The following USP3 variants were observed in gnomAD, a reference collection of about 807,000 sequenced individuals.
USP3 encodes ubiquitin specific peptidase 3.
Under a neutral mutation model 72.3 loss-of-function variants are expected in USP3, and 20 were observed. The ratio of observed to expected loss-of-function variants is 0.28; its 90% CI spans 0.19 to 0.40. The LOEUF (loss-of-function observed/expected upper bound fraction) is 0.40. Ranked by LOEUF, USP3 falls within the 10% of genes least tolerant of loss-of-function variation. The pLI, the probability that USP3 is intolerant of heterozygous loss-of-function variation, is 1.00. For missense variants in USP3, 479 were observed against 633.9 expected (o/e 0.76, Z 2.62); for synonymous variants, 222 against 225.3 (o/e 0.99, Z 0.13).
intron 11 of USP3, among the ~76,000 whole-genome samples, chr15:63,585,346 T>C (rs188672453): frequency 1.2e-3 from 181 of 152,324 alleles, no homozygotes; most frequent in Non-Finnish European, 2.1e-3. Flanking sequence ...ACATCAAGTC[T>C]TCCAGTCTAT....
intron 8 of USP3, among the ~76,000 whole-genome samples, chr15:63,565,723 T>C (rs1255264925): frequency 6.6e-6 from 1 of 152,188 alleles, no homozygotes; most frequent in Non-Finnish European, 1.5e-5. Flanking sequence ...AGTATACAAA[T>C]AGCTTCCTCA....
chr15:63,546,085 A>G (rs1379363797), intron 3 of USP3, among the ~76,000 whole-genome samples: 1 of 151,492 alleles, frequency 6.6e-6, no homozygotes, highest in Non-Finnish European at 1.5e-5. Context: ...AAACTTGGTC[A>G]TATAATGTAG....
At chr15:63,577,053 T>C (rs2066875962) in intron 11 of USP3, among the ~76,000 whole-genome samples, 1 of 152,216 alleles carries the variant, frequency 6.6e-6, no homozygotes, top group South Asian at 2.1e-4. Flanking sequence ...GGAAAAGTGA[T>C]GGTGAGAAAG....
intron 5 of USP3, among the ~76,000 whole-genome samples, chr15:63,557,483 G>A (rs944784592): frequency 2.0e-5 from 3 of 152,060 alleles, no homozygotes; most frequent in African/African-American, 7.2e-5. Flanking sequence ...GGCTGGTCTC[G>A]AACTCCTGAG....
At chr15:63,559,228 T>TA (rs2066564128) in intron 6 of USP3, among the ~76,000 whole-genome samples, 1 of 152,206 alleles carries the variant, frequency 6.6e-6, no homozygotes, top group South Asian at 2.1e-4. Context: ...AGACAAGTAG[T>TA]AAAAATAAAA....
Position 63,553,712 on chromosome 15 carries a change from C to T in USP3, c.285-3C>T, listed in dbSNP as rs1271765101. The T allele has an allele frequency of 6.2e-7, 1 of 1,611,530 alleles. No homozygotes were observed. The highest frequency in any genetic ancestry group is 8.5e-7 in the Non-Finnish European group (1 of 1,178,902). ...CACACATTGATTAATATTTTCCTTG[C>T]AGTTATCGCTGTGATGATTTTGTGG... is the stretch of plus-strand genomic sequence containing the variant. On this transcript the variant is annotated splice_polypyrimidine_tract_variant and splice_region_variant and intron_variant, in intron 3 of 14. Transcript: ENST00000380324. The surrounding 1 kb of genome is among the most constrained non-coding windows in gnomAD (Gnocchi z 4.2).
chr15:63,520,714 C>A (rs1040096201), intron 1 of USP3, among the ~76,000 whole-genome samples: 3 of 151,908 alleles, frequency 2.0e-5, no homozygotes, highest in Non-Finnish European at 4.4e-5. Context: ...CAGGCGTGGG[C>A]CACCATGTCC....
chr15:63,537,167 A>C lies in USP3; in HGVS notation c.284+11A>C. The C allele has an allele frequency of 1.2e-6, 2 of 1,607,972 alleles. No individual in the cohort carries two copies. The highest frequency in any genetic ancestry group is 1.7e-6 in the Non-Finnish European group (2 of 1,177,496). On this transcript the variant is annotated intron_variant, in intron 3 of 14. Coordinates refer to ENST00000380324, the MANE Select transcript of USP3 (RefSeq NM_006537.4). ...CTACAGTACATACTGGTAAGTTAAC[A>C]TTTTCTGGAAATGAGATTTCTTACT...
At position 63,594,015 on chromosome 15, in the gene USP3, A is replaced by T. The variant is rs938806768; in HGVS notation, c.*3189A>T. 3 of 152,268 alleles carry T rather than the reference A, an allele frequency of 2.0e-5. No homozygotes were observed. Among genetic ancestry groups the T allele is most frequent in the African/African-American group, 7.2e-5 (3 of 41,472 alleles). 9.4% of individuals were successfully genotyped at this position (152,268 alleles called of 1,614,324 possible). On this transcript the variant is annotated 3_prime_UTR_variant, in exon 15 of 15. Transcript: ENST00000380324. ...TCTACTCAGTGTATAGTGATGACAG[A>T]TGTACTAGAATTAAACCAGTCAAGT...
chr15:63,523,318 C>G (rs1315135022), intron 1 of USP3, among the ~76,000 whole-genome samples: 1 of 152,020 alleles, frequency 6.6e-6, no homozygotes, highest in Non-Finnish European at 1.5e-5. Context: ...GGGATTTGAC[C>G]CATTTCACAG....
rs996533955 is a variant in USP3, at chr15:63,510,809, C to A, written c.91+5979C>A. Among the ~76,000 whole-genome samples the A allele has an allele frequency of 7.2e-5, 11 of 152,224 alleles. No homozygotes were observed. In the South Asian group the frequency reaches 8.3e-4, roughly 11 times the overall value. On this transcript the variant is annotated intron_variant, in intron 1 of 14. Transcript: ENST00000380324. ...TCTTGTGCCAAGACCCCTCAAGATG[C>A]TCTGAGATTTCTGTGTAGTGGTTTC... is the stretch of plus-strand genomic sequence containing the variant.
Position 63,553,577 on chromosome 15 carries a change from T to A in USP3, c.285-138T>A, listed in dbSNP as rs2152669852. The A allele has an allele frequency of 1.7e-6, 1 of 579,646 alleles. No individual in the cohort carries two copies. The highest frequency in any genetic ancestry group is 3.4e-5 in the East Asian group (1 of 29,396). 35.9% of individuals were successfully genotyped at this position (579,646 alleles called of 1,614,324 possible). On this transcript the variant is annotated intron_variant, in intron 3 of 14. Coordinates refer to ENST00000380324, the MANE Select transcript of USP3 (RefSeq NM_006537.4). The surrounding 1 kb of genome is among the most constrained non-coding windows in gnomAD (Gnocchi z 4.2). ...AAAACATTCCATTGTGAATTCCAGG[T>A]CCTCTTTAAACTTACCACCAGCAGT...
rs2152672815 is a variant in USP3 at position 63,559,968 on chromosome 15, T to C, written c.645T>C (p.Asn215=). Residue 215 remains asparagine, a splice_region_variant and synonymous_variant, in exon 7 of 15, where the codon AAT becomes AAC. Transcript: ENST00000380324. The part of the protein sequence containing the change: ...TYHTRSQGDN[N]VSLVEEFRKT... Reference sequence around the variant, plus strand: ...ACACCAGGAGCCAAGGGGATAACAATGTGTGAGTTATAAGAGTATGTCCTT... The same window carrying C: ...ACACCAGGAGCCAAGGGGATAACAACGTGTGAGTTATAAGAGTATGTCCTT... 2 of 1,612,326 alleles carry C rather than the reference T, an allele frequency of 1.2e-6. No homozygotes were observed. Among genetic ancestry groups the C allele is most frequent in the East Asian group, 4.5e-5 (2 of 44,838 alleles).
intron 1 of USP3, chr15:63,515,363 G>A (rs1227605632): frequency 6.6e-6 from 1 of 152,206 alleles, no homozygotes; most frequent in Non-Finnish European, 1.5e-5. Context: ...TCCATTTCAT[G>A]GTGAAAGCAT....
chr15:63,574,131 A>T lies in USP3; in HGVS notation c.994A>T (p.Arg332Ter). 1 of 1,592,374 alleles carries T rather than the reference A, an allele frequency of 6.3e-7. No homozygotes were observed. The highest frequency in any genetic ancestry group is 8.6e-7 in the Non-Finnish European group (1 of 1,168,474). Reference sequence around the variant, plus strand: ...CTGCCTCATATGTGGGACAGAATCTAGAAAGTTTGATCCATTCCTAGGTAA... The same window carrying T: ...CTGCCTCATATGTGGGACAGAATCTTGAAAGTTTGATCCATTCCTAGGTAA... ...VNCLICGTES[R>*]KFDPFLDLSL... The change falls in exon 10 of 15, where the codon AGA becomes TGA. Residue 332 changes from arginine (R) to a stop codon, truncating the protein, a stop_gained. Coordinates refer to ENST00000380324, the MANE Select transcript of USP3 (RefSeq NM_006537.4). LOFTEE classifies it high-confidence loss of function. The surrounding 1 kb of genome is among the most constrained non-coding windows in gnomAD (Gnocchi z 4.6).
intron 3 of USP3, among the ~76,000 whole-genome samples, chr15:63,547,294 G>A (rs4577026): frequency 0.8 from 121,768 of 151,868 alleles, 50,644 homozygotes; most frequent in Non-Finnish European, 0.86. Flanking sequence ...GTAGAAAAAC[G>A]AAAGTTACAT....
intron 11 of USP3, among the ~76,000 whole-genome samples, chr15:63,576,084 T>TC (rs1349016558): frequency 1.3e-5 from 2 of 151,734 alleles, no homozygotes; most frequent in Non-Finnish European, 2.9e-5. Context: ...CCTCCCAGGT[T>TC]CAAGTGATTC....
Position 63,580,641 on chromosome 15 carries a change from C to CATATATAT in USP3, c.1096+6241_1096+6248dup, listed in dbSNP as rs1210661793. Among the ~76,000 whole-genome samples, 54 of 49,552 alleles carry CATATATAT rather than the reference C, an allele frequency of 1.1e-3. 5 individuals carry two copies. The highest frequency in any genetic ancestry group is 4.8e-3 in the African/African-American group (51 of 10,602). 32.5% of individuals were successfully genotyped at this position (49,552 alleles called of 152,430 possible). Reference sequence around the variant, plus strand: ...ATCTTAAGAGTTTCAGAAAGTGGTGCATATATATATGAATATATAATATAT... The same window carrying CATATATAT: ...ATCTTAAGAGTTTCAGAAAGTGGTGCATATATATATATATATATGAATATATAATATAT... On this transcript the variant is annotated intron_variant, in intron 11 of 14. Transcript: ENST00000380324.
chr15:63,512,117 G>T (rs1215090187), intron 1 of USP3, among the ~76,000 whole-genome samples: 1 of 151,552 alleles, frequency 6.6e-6, no homozygotes, highest in African/African-American at 2.4e-5. Flanking sequence ...CACCATACCC[G>T]GCTAATTTTT....
Sources: allele counts gnomAD v4.1 joint callset (sites outside exome capture counted in the v4.1 genomes callset), GRCh38; gene constraint gnomAD v4.1.1; non-coding constraint Gnocchi (gnomAD v3.1); transcripts MANE v1.5; gene names NCBI Gene and HGNC (gene_info 2026-07-23, HGNC 2026-07-21).